The following ROBO1 variants were observed in gnomAD, a reference collection of about 807,000 sequenced individuals.
ROBO1 encodes roundabout homolog 1.
In ROBO1, 149 loss-of-function variants were observed where a neutral mutation model predicts 195.9. The ratio of observed to expected loss-of-function variants is 0.76; its 90% CI spans 0.67 to 0.87. The LOEUF is 0.87. ROBO1 is among the 40% of genes least tolerant of loss of function. The pLI, the probability that ROBO1 is intolerant of heterozygous loss-of-function variation, is 0.00. For synonymous variants in ROBO1, 816 were observed against 733.2 expected, an observed-to-expected ratio of 1.11 and a Z score of -1.82; for missense variants, 1,933 against 2,068.3, an observed-to-expected ratio of 0.93 and a Z score of 1.27.
chr3:78,985,954 C>T (rs2077096670), intron 3 of ROBO1, among the ~76,000 whole-genome samples: 1 of 152,086 alleles, frequency 6.6e-6, no homozygotes, highest in Non-Finnish European at 1.5e-5. Flanking sequence ...GAAGGAGGGG[C>T]AGCAGAGCCC....
At chr3:79,663,758 A>G (rs1205839752) in intron 1 of ROBO1, among the ~76,000 whole-genome samples, 1 of 152,080 alleles carries the variant, frequency 6.6e-6, no homozygotes, top group African/African-American at 2.4e-5. Flanking sequence ...TTAGATAATG[A>G]CATTGCCGAC....
At chr3:79,437,792 G>A (rs1191336501) in intron 2 of ROBO1, among the ~76,000 whole-genome samples, 1 of 151,898 alleles carries the variant, frequency 6.6e-6, no homozygotes, top group Non-Finnish European at 1.5e-5. Context: ...CTGCTAAGGG[G>A]AAGAGACATT....
chr3:78,668,203 A>T lies in ROBO1; in HGVS notation c.1730T>A (p.Val577Asp). Residue 577 changes from valine (V) to aspartate (D), a missense_variant, in exon 13 of 31, where the codon GTC (valine) becomes GAC (aspartate). This residue lies in a region of ROBO1 where 1,737 missense variants were observed against 1,882.5 expected (regional missense o/e 0.92). Coordinates refer to ENST00000464233, the MANE Select transcript of ROBO1 (RefSeq NM_002941.4). ...PEVTDVSRNT[V>D]TLSWQPNLNS... ...CAAATTTGGTTGCCACGATAATGTGACTGTATTTCTGCTGACATCTGTCAC... is the reference window on the plus strand; with the variant it reads ...CAAATTTGGTTGCCACGATAATGTGTCTGTATTTCTGCTGACATCTGTCAC... 6.2e-7 allele frequency: 1 copy of T among 1,613,492 alleles called. No homozygotes were observed. Among genetic ancestry groups the T allele is most frequent in the Non-Finnish European group, 8.5e-7 (1 of 1,179,490 alleles).
chr3:78,765,650 T>C (rs1453866385), intron 4 of ROBO1, among the ~76,000 whole-genome samples: 5 of 152,144 alleles, frequency 3.3e-5, no homozygotes, highest in Admixed American at 3.3e-4. Flanking sequence ...ACTAATAAAG[T>C]GGTCATTCAA....
chr3:79,552,677 C>T (rs536741132), intron 2 of ROBO1, among the ~76,000 whole-genome samples: 24 of 152,192 alleles, frequency 1.6e-4, no homozygotes, highest in Non-Finnish European at 2.6e-4. Context: ...GTTCAAGCTA[C>T]ACAATTATTA....
intron 2 of ROBO1, among the ~76,000 whole-genome samples, chr3:79,584,950 A>G (rs1191047544): frequency 6.6e-6 from 1 of 151,824 alleles, no homozygotes; most frequent in Non-Finnish European, 1.5e-5. Context: ...AAATTATACT[A>G]TAAAAAGTAA....
At chr3:79,085,719 C>A (rs968635413) in intron 3 of ROBO1, among the ~76,000 whole-genome samples, 2 of 151,990 alleles carry the variant, frequency 1.3e-5, no homozygotes, top group Admixed American at 1.3e-4. Context: ...TAGGAAGTAG[C>A]AAAATATGAT....
At chr3:78,832,078 C>T (rs1175380315) in intron 4 of ROBO1, among the ~76,000 whole-genome samples, 3 of 152,064 alleles carry the variant, frequency 2.0e-5, no homozygotes, top group Admixed American at 1.3e-4. Context: ...TAGTAATGCA[C>T]ACATGGGGGT....
chr3:79,321,165 G>A (rs1451536154), intron 2 of ROBO1, among the ~76,000 whole-genome samples: 1 of 151,942 alleles, frequency 6.6e-6, no homozygotes, highest in East Asian at 1.9e-4. Context: ...CATTTAAGTG[G>A]GCACTGAATA....
At chr3:79,567,073 G>A (rs193141620) in intron 2 of ROBO1, among the ~76,000 whole-genome samples, 82 of 152,216 alleles carry the variant, frequency 5.4e-4, no homozygotes, top group Admixed American at 1.4e-3. Flanking sequence ...CTATGCAGCC[G>A]TAAAAAGAAG....
intron 2 of ROBO1, among the ~76,000 whole-genome samples, chr3:79,389,789 T>C (rs548984502): frequency 4.3e-4 from 66 of 152,240 alleles, no homozygotes; most frequent in African/African-American, 1.4e-3. Flanking sequence ...TCCTGGAAGC[T>C]GTGTTTGAAA....
intron 1 of ROBO1, among the ~76,000 whole-genome samples, chr3:79,623,163 C>T (rs542739916): frequency 5.9e-5 from 9 of 152,072 alleles, no homozygotes; most frequent in Middle Eastern, 3.4e-3. Context: ...ACAACAACAA[C>T]AAAACCTTCA....
chr3:78,975,171 T>C (rs2076857855), intron 3 of ROBO1, among the ~76,000 whole-genome samples: 1 of 152,114 alleles, frequency 6.6e-6, no homozygotes, highest in Non-Finnish European at 1.5e-5. Context: ...CTAAAAAGTC[T>C]CTTAGACTAA....
chr3:79,356,606 T>C (rs1366295839), intron 2 of ROBO1, among the ~76,000 whole-genome samples: 2 of 152,214 alleles, frequency 1.3e-5, no homozygotes, highest in Non-Finnish European at 2.9e-5. Context: ...TCTTGGGATC[T>C]AATCTTTATC....
At chr3:79,184,226 T>C (rs781551948) in intron 2 of ROBO1, among the ~76,000 whole-genome samples, 13 of 152,198 alleles carry the variant, frequency 8.5e-5, no homozygotes, top group Non-Finnish European at 1.9e-4. Flanking sequence ...TGAAAGGATA[T>C]TCTACTGATC....
intron 5 of ROBO1, among the ~76,000 whole-genome samples, chr3:78,718,804 A>AAGGGAGGGAGGG (rs1438295042): frequency 1.3e-5 from 1 of 76,058 alleles, no homozygotes; most frequent in African/African-American, 4.5e-5. Context: ...GGAAGGAAGG[A>AAGGGAGGGAGGG]AGGGAGGGAG....
intron 2 of ROBO1, among the ~76,000 whole-genome samples, chr3:79,146,430 T>C (rs940113325): frequency 6.6e-6 from 1 of 152,060 alleles, no homozygotes; most frequent in Non-Finnish European, 1.5e-5. Context: ...CAGAAAAATA[T>C]GTTTATTATA....
intron 2 of ROBO1, among the ~76,000 whole-genome samples, chr3:79,537,349 C>G (rs577887594): frequency 1.3e-5 from 2 of 152,054 alleles, no homozygotes; most frequent in East Asian, 1.9e-4. Context: ...GGCATGGGAA[C>G]GTGCAGGAAG....
intron 1 of ROBO1, among the ~76,000 whole-genome samples, chr3:79,753,707 T>C (rs1343924665): frequency 3.3e-5 from 5 of 152,110 alleles, no homozygotes; most frequent in African/African-American, 1.2e-4. Context: ...AAAAGCTTTA[T>C]GGGTAGAACC....
Sources: gnomAD v4.1 joint callset for allele counts (sites outside exome capture counted in the v4.1 genomes callset) on GRCh38, gnomAD v4.1.1 for gene constraint, gnomAD v4.1.1 regional missense constraint, MANE v1.5 for transcripts, NCBI Gene and HGNC (gene_info 2026-07-23, HGNC 2026-07-21) for gene names.